DIP2C: variants seen among roughly 807,000 people sequenced by gnomAD.
DIP2C encodes the protein disco-interacting protein 2 homolog C.
Under a neutral mutation model 192.4 loss-of-function variants are expected in DIP2C, and 33 were observed. The ratio of observed to expected loss-of-function variants is 0.17; its 90% confidence interval spans 0.13 to 0.23. DIP2C has a LOEUF of 0.23. Among genes scored for constraint, DIP2C ranks in the 10% least tolerant of loss-of-function variants. The pLI is 1.00. For missense variants in DIP2C, 1,537 were observed against 2,110.1 expected (o/e 0.73, Z 5.32); for synonymous variants, 979 against 864.1 (o/e 1.13, Z -2.33).
intron 29 of DIP2C, among the ~76,000 whole-genome samples, chr10:334,461 T>TCATCAGTATTTATGTAGTATACCTTTG (rs1256548307): frequency 2.0e-5 from 3 of 152,142 alleles, no homozygotes; most frequent in African/African-American, 7.2e-5. Context: ...TTTGTTCCAG[T>TCATCAGTATTTATGTAGTATACCTTTG]CCAGTTTATC....
intron 1 of DIP2C, among the ~76,000 whole-genome samples, chr10:578,667 C>G (rs554486698): frequency 1.3e-5 from 2 of 152,302 alleles, no homozygotes; most frequent in East Asian, 3.9e-4. Flanking sequence ...TGCAGGGGCC[C>G]TATTCCTGTT....
intron 26 of DIP2C, 109 bp downstream of exon 26, chr10:348,532 C>A: frequency 6.6e-7 from 1 of 1,524,668 alleles, no homozygotes; most frequent in Non-Finnish European, 8.8e-7. Context: ...CAGACACACC[C>A]CGGCTTCCAC....
At chr10:552,995 G>T (rs930332445) in intron 1 of DIP2C, among the ~76,000 whole-genome samples, 1 of 152,252 alleles carries the variant, frequency 6.6e-6, no homozygotes, top group Admixed American at 6.5e-5. Context: ...CCCTAGGGAA[G>T]AAGCCAGTAT....
chr10:415,636 C>T (rs1446115576), intron 7 of DIP2C, 133 bp downstream of exon 7: 3 of 1,253,578 alleles, frequency 2.4e-6, no homozygotes, highest in East Asian at 2.4e-5. Flanking sequence ...CGCTCCCTAC[C>T]TGGGTTCCCA....
intron 1 of DIP2C, among the ~76,000 whole-genome samples, chr10:540,917 C>CCGTGATAGGACAAACA (rs367555623): frequency 3.9e-5 from 6 of 152,150 alleles, no homozygotes; most frequent in African/African-American, 1.4e-4. Context: ...GACACAGCAG[C>CCGTGATAGGACAAACA]CGTGATAGGA....
At chr10:370,399 G>A (rs921170538) in intron 17 of DIP2C, among the ~76,000 whole-genome samples, 5 of 152,138 alleles carry the variant, frequency 3.3e-5, no homozygotes, top group Admixed American at 2.6e-4. Flanking sequence ...ACGTTCCTCC[G>A]GCAGACGTCC....
chr10:510,291 C>A (rs922728579), intron 1 of DIP2C, among the ~76,000 whole-genome samples: 1 of 152,224 alleles, frequency 6.6e-6, no homozygotes, highest in South Asian at 2.1e-4. Context: ...AACCAGACTT[C>A]AACACACCTT....
chr10:580,305 G>A (rs1588510637), intron 1 of DIP2C, among the ~76,000 whole-genome samples: 1 of 152,074 alleles, frequency 6.6e-6, no homozygotes, highest in Non-Finnish European at 1.5e-5. Context: ...GCGTACATTA[G>A]TGTGCACATA....
In DIP2C at chr10:492,009, G is replaced by C. The variant is rs558335643; in HGVS notation, c.86-5479C>G. 1.8e-3 allele frequency among the ~76,000 whole-genome samples: 278 copies of C among 152,248 alleles called. 2 individuals carry two copies. The highest frequency in any genetic ancestry group is 3.1e-3 in the Non-Finnish European group (212 of 68,016). On this transcript the variant is annotated intron_variant, in intron 1 of 36. Coordinates refer to ENST00000280886, the MANE Select transcript of DIP2C (RefSeq NM_014974.3). Reference sequence around the variant, plus strand: ...CGACCCCAGAAAACAGGGGCAAGAGGAATCTCAAAATCCCGACCCCAGAAA... The same window carrying C: ...CGACCCCAGAAAACAGGGGCAAGAGCAATCTCAAAATCCCGACCCCAGAAA...
At chr10:443,895 C>T (rs113490391) in intron 3 of DIP2C, among the ~76,000 whole-genome samples, 1,531 of 152,204 alleles carry the variant, frequency 0.01, 23 homozygotes, top group Admixed American at 0.034. Context: ...TTTGGAAGGG[C>T]GGGAGTACAA....
chr10:606,723 C>T (rs929768593), intron 1 of DIP2C, among the ~76,000 whole-genome samples: 1 of 152,216 alleles, frequency 6.6e-6, no homozygotes, highest in African/African-American at 2.4e-5. Flanking sequence ...TGCCTCCTTG[C>T]AAACAACAAA....
chr10:390,527 G>C (rs1248825776), intron 11 of DIP2C, among the ~76,000 whole-genome samples, 154 bp from the exon 12 acceptor site: 1 of 151,310 alleles, frequency 6.6e-6, no homozygotes, highest in Non-Finnish European at 1.5e-5. Flanking sequence ...CAACAGAAGA[G>C]CACCCAAGCC....
chr10:391,938 T>C (rs1441120873), intron 10 of DIP2C, among the ~76,000 whole-genome samples: 1 of 152,252 alleles, frequency 6.6e-6, no homozygotes, highest in Non-Finnish European at 1.5e-5. Flanking sequence ...CTTTTCTTAT[T>C]GTAGATTTAA....
At position 555,190 on chromosome 10, in the gene DIP2C, A is replaced by AT. The variant is rs34311943; in HGVS notation, c.86-68661dup. ...TTTAGTTTATGTTTTCTTCAGTATTATTTTTTTTTTTTCCCAAGCCATTAC... is the reference window on the plus strand; with the variant it reads ...TTTAGTTTATGTTTTCTTCAGTATTATTTTTTTTTTTTTCCCAAGCCATTAC... On this transcript the variant is annotated intron_variant, in intron 1 of 36. Transcript: ENST00000280886. 1.8e-3 allele frequency among the ~76,000 whole-genome samples: 220 copies of AT among 125,136 alleles called. 1 individual carries two copies. Among genetic ancestry groups the AT allele is most frequent in the Non-Finnish European group, 1.8e-3 (118 of 64,398 alleles). 82.1% of individuals were successfully genotyped at this position (125,136 alleles called of 152,430 possible).
chr10:496,860 C>T (rs1189499847), intron 1 of DIP2C, among the ~76,000 whole-genome samples: 1 of 152,200 alleles, frequency 6.6e-6, no homozygotes, highest in Non-Finnish European at 1.5e-5. Flanking sequence ...CACGGTGGCT[C>T]ACACCCGTAA....
At chr10:383,929 AAAT>A in intron 16 of DIP2C, 95 bp downstream of exon 16, 2 of 1,386,232 alleles carry the variant, frequency 1.4e-6, no homozygotes, top group Non-Finnish European at 1.9e-6. Context: ...CCTGGGGAAA[AAAT>A]AAAAAAGACT....
chr10:425,695 G>A (rs1966551391), intron 4 of DIP2C, among the ~76,000 whole-genome samples: 2 of 151,688 alleles, frequency 1.3e-5, no homozygotes, highest in Admixed American at 1.3e-4. Context: ...GCGGTGACTA[G>A]AAGTAAATAC....
chr10:487,957 G>GC, intron 1 of DIP2C, among the ~76,000 whole-genome samples: 1 of 152,290 alleles, frequency 6.6e-6, no homozygotes, highest in East Asian at 1.9e-4. Context: ...CTCCACACCG[G>GC]CAGCCATCAG....
chr10:464,726 A>G (rs1354704816), intron 3 of DIP2C, among the ~76,000 whole-genome samples: 1 of 152,262 alleles, frequency 6.6e-6, no homozygotes, highest in Non-Finnish European at 1.5e-5. Flanking sequence ...CTCGGATCCA[A>G]CCCAAATGCC....
Sources: gnomAD v4.1 joint callset for allele counts (sites outside exome capture counted in the v4.1 genomes callset) on GRCh38, gnomAD v4.1.1 for gene constraint, MANE v1.5 for transcripts, NCBI Gene and HGNC (gene_info 2026-07-23, HGNC 2026-07-21) for gene names.